SFMBT2: variants seen among roughly 807,000 people sequenced by gnomAD.
The protein encoded by SFMBT2 is scm-like with four MBT domains protein 2.
Under a neutral mutation model 110.1 loss-of-function variants are expected in SFMBT2, and 38 were observed. The ratio of observed to expected loss-of-function variants is 0.35; its 90% CI spans 0.27 to 0.45. SFMBT2 has a LOEUF of 0.45. Ranked by LOEUF, SFMBT2 falls within the 20% of genes least tolerant of loss-of-function variation. SFMBT2 has a pLI of 1.00. For missense variants in SFMBT2, 1,011 were observed against 1,094.9 expected (o/e 0.92, Z 1.08); for synonymous variants, 425 against 425.4 (o/e 1.00, Z 0.01).
In SFMBT2 at chr10:7,410,938, G is replaced by C. The variant is rs1461513304; in HGVS notation, c.-129C>G. On this transcript the variant is annotated 5_prime_UTR_variant, in exon 1 of 21. Transcript: ENST00000397167. ...GGGAGGGCACCGGCCTCGCTCGCTT[G>C]CTCGCTCGCCCGCCCTTGCCCGCTC... is the stretch of plus-strand genomic sequence containing the variant. 1.3e-5 allele frequency among the ~76,000 whole-genome samples: 2 copies of C among 151,406 alleles called. No homozygotes were observed. Among genetic ancestry groups the C allele is most frequent in the East Asian group, 3.9e-4 (2 of 5,140 alleles).
chr10:7,297,079 T>C (rs533630711), intron 4 of SFMBT2, among the ~76,000 whole-genome samples: 47 of 152,328 alleles, frequency 3.1e-4, no homozygotes, highest in African/African-American at 1.0e-3. Flanking sequence ...TTCTACTTCT[T>C]TGGAGAATCC....
intron 4 of SFMBT2, among the ~76,000 whole-genome samples, chr10:7,288,379 T>C (rs1842164645): frequency 6.6e-6 from 1 of 152,230 alleles, no homozygotes; most frequent in African/African-American, 2.4e-5. Flanking sequence ...TATCACTAGA[T>C]TTTTTCTCAA....
intron 9 of SFMBT2, among the ~76,000 whole-genome samples, chr10:7,240,118 C>T (rs542517723): frequency 6.6e-4 from 101 of 152,260 alleles, no homozygotes; most frequent in African/African-American, 2.3e-3. Context: ...TATTGTTACA[C>T]GTCATGTCTA....
At chr10:7,338,823 T>C (rs1843800613) in intron 4 of SFMBT2, among the ~76,000 whole-genome samples, 1 of 152,240 alleles carries the variant, frequency 6.6e-6, no homozygotes, top group South Asian at 2.1e-4. Context: ...AAGTCAGTCC[T>C]GCATGCAGTC....
chr10:7,278,567 C>A (rs996914508), intron 6 of SFMBT2, among the ~76,000 whole-genome samples: 5 of 152,182 alleles, frequency 3.3e-5, no homozygotes, highest in African/African-American at 1.2e-4. Flanking sequence ...CCCTTTCCAG[C>A]AAGCTGGGCA....
chr10:7,307,609 C>T (rs1842733440), intron 4 of SFMBT2, among the ~76,000 whole-genome samples: 1 of 152,186 alleles, frequency 6.6e-6, no homozygotes, highest in Non-Finnish European at 1.5e-5. Flanking sequence ...TCTAGGACAA[C>T]TGGTTTATCC....
intron 1 of SFMBT2, among the ~76,000 whole-genome samples, chr10:7,406,542 A>G (rs1846214240): frequency 1.3e-5 from 2 of 151,998 alleles, no homozygotes; most frequent in Non-Finnish European, 2.9e-5. Flanking sequence ...ACTCCCAGGA[A>G]AGCTTTATGA....
intron 4 of SFMBT2, among the ~76,000 whole-genome samples, chr10:7,364,706 A>G (rs1201072225): frequency 2.0e-5 from 3 of 152,222 alleles, no homozygotes; most frequent in Non-Finnish European, 4.4e-5. Flanking sequence ...ACCGTCGGCA[A>G]CAAGGATGGG....
At chr10:7,169,472 C>T (rs1837805169) in intron 20 of SFMBT2, among the ~76,000 whole-genome samples, 2 of 152,186 alleles carry the variant, frequency 1.3e-5, no homozygotes, top group Admixed American at 1.3e-4. Flanking sequence ...TTTCTGGGTA[C>T]ACAGGAAGTC....
chr10:7,373,582 A>T (rs1023799931), intron 2 of SFMBT2, among the ~76,000 whole-genome samples: 2 of 152,126 alleles, frequency 1.3e-5, no homozygotes, highest in African/African-American at 4.8e-5. Flanking sequence ...TGGAGCTCTT[A>T]TGAAGTACTT....
chr10:7,305,618 C>T (rs1219891238), intron 4 of SFMBT2, among the ~76,000 whole-genome samples: 1 of 152,238 alleles, frequency 6.6e-6, no homozygotes, highest in African/African-American at 2.4e-5. Context: ...ATCATCCAGA[C>T]AGAGTGAAAT....
At chr10:7,385,312 T>G (rs556049451) in intron 1 of SFMBT2, among the ~76,000 whole-genome samples, 1 of 151,996 alleles carries the variant, frequency 6.6e-6, no homozygotes, top group African/African-American at 2.4e-5. Context: ...ATCCACAGAC[T>G]CCAGAAGCCA....
At chr10:7,202,783 T>C in intron 12 of SFMBT2, 1 of 985,384 alleles carries the variant, frequency 1.0e-6, no homozygotes, top group Non-Finnish European at 1.2e-6. Flanking sequence ...TAAATGTGCA[T>C]TTAAGAAAGC....
intron 4 of SFMBT2, chr10:7,348,433 T>A (rs911325289): frequency 5.0e-6 from 5 of 998,976 alleles, no homozygotes; most frequent in Middle Eastern, 4.6e-4. Flanking sequence ...TGTAAATATG[T>A]CATTAAGGGC....
intron 4 of SFMBT2, among the ~76,000 whole-genome samples, chr10:7,319,823 A>G (rs1312596042): frequency 6.7e-6 from 1 of 150,342 alleles, no homozygotes; most frequent in Non-Finnish European, 1.5e-5. Flanking sequence ...AGAGAGACAG[A>G]GAGAGACAGA....
intron 4 of SFMBT2, chr10:7,286,451 T>C (rs559486005): frequency 2.4e-6 from 2 of 846,888 alleles, no homozygotes; most frequent in African/African-American, 1.8e-5. Context: ...AATAGAGAAA[T>C]GGGGAGAATA....
In SFMBT2 at chr10:7,329,080, G is replaced by A. The variant is rs1048131962; in HGVS notation, c.436+38569C>T. Among the ~76,000 whole-genome samples the A allele has an allele frequency of 5.3e-5, 8 of 152,196 alleles. No individual in the cohort carries two copies. In the South Asian group the frequency reaches 6.2e-4, roughly 12 times the overall value. ...CTGCCATTGTATGAGCATGTGGCTC[G>A]TTATTTTGTAAGCAACAGATATACT... is the stretch of plus-strand genomic sequence containing the variant. On this transcript the variant is annotated intron_variant, in intron 4 of 20. Transcript: ENST00000397167.
At chr10:7,244,116 A>C in intron 8 of SFMBT2, 2 of 568,054 alleles carry the variant, frequency 3.5e-6, no homozygotes, top group Non-Finnish European at 4.5e-6. Flanking sequence ...ACACCAGATC[A>C]CTCAAGAATC....
intron 2 of SFMBT2, among the ~76,000 whole-genome samples, chr10:7,373,790 T>C (rs1283688085): frequency 6.6e-6 from 1 of 151,376 alleles, no homozygotes; most frequent in African/African-American, 2.4e-5. Context: ...AGGAGAAGAG[T>C]GGACTGAGCT....
Sources: allele counts gnomAD v4.1 joint callset (sites outside exome capture counted in the v4.1 genomes callset), GRCh38; gene constraint gnomAD v4.1.1; transcripts MANE v1.5; gene names NCBI Gene and HGNC (gene_info 2026-07-23, HGNC 2026-07-21).